The following NKAIN2 variants were observed in gnomAD, a reference collection of about 807,000 sequenced individuals.
NKAIN2 encodes sodium/potassium transporting ATPase interacting 2.
NKAIN2 carries 14 observed loss-of-function variants against 32.6 expected under a neutral mutation model. The ratio of observed to expected loss-of-function variants is 0.43; its 90% CI spans 0.28 to 0.67. The LOEUF (loss-of-function observed/expected upper bound fraction) is 0.67, where lower values mean the gene tolerates loss of function less well. Ranked by LOEUF, NKAIN2 falls within the 30% of genes least tolerant of loss-of-function variation. The pLI is 0.17. For missense variants in NKAIN2, 198 were observed against 258.3 expected (o/e 0.77, Z 1.60); for synonymous variants, 80 against 87.2 (o/e 0.92, Z 0.46).
Position 123,927,574 on chromosome 6 carries a change from C to T in NKAIN2, c.54+123320C>T, listed in dbSNP as rs74347202. Among the ~76,000 whole-genome samples the T allele has an allele frequency of 2.1e-4, 32 of 152,262 alleles. No individual in the cohort carries two copies. In the East Asian group the frequency reaches 5.8e-3, roughly 28 times the overall value. On this transcript the variant is annotated intron_variant, in intron 1 of 6. Coordinates refer to ENST00000368417, the MANE Select transcript of NKAIN2 (RefSeq NM_001040214.3). Reference sequence around the variant, plus strand: ...CTAGCTTCCATATGTTAGGATATAACTTAAGTTGTTTTAACAGACCAAAAG... The same window carrying T: ...CTAGCTTCCATATGTTAGGATATAATTTAAGTTGTTTTAACAGACCAAAAG...
chr6:124,519,959 C>T (rs983019989), intron 3 of NKAIN2, among the ~76,000 whole-genome samples: 3 of 152,052 alleles, frequency 2.0e-5, no homozygotes, highest in African/African-American at 7.2e-5. Flanking sequence ...CTATACAGCA[C>T]CTCTATTGGG....
chr6:124,642,988 A>C (rs1249596001), intron 3 of NKAIN2, among the ~76,000 whole-genome samples: 6 of 152,128 alleles, frequency 3.9e-5, no homozygotes, highest in Non-Finnish European at 8.8e-5. Context: ...AAGGTCAAGC[A>C]CTCAGAATTT....
At chr6:123,938,373 A>G (rs1776619665) in intron 1 of NKAIN2, among the ~76,000 whole-genome samples, 1 of 136,300 alleles carries the variant, frequency 7.3e-6, no homozygotes, top group African/African-American at 2.7e-5. Flanking sequence ...AATTGCCGTG[A>G]AACCAGAACT....
intron 1 of NKAIN2, among the ~76,000 whole-genome samples, chr6:124,207,606 C>T (rs79462779): frequency 0.057 from 8,687 of 151,630 alleles, 484 homozygotes; most frequent in African/African-American, 0.12. Flanking sequence ...ATGTACTAAG[C>T]TTGGCACATA....
At chr6:124,121,850 C>T (rs1785899313) in intron 1 of NKAIN2, 1 of 1,009,810 alleles carries the variant, frequency 9.9e-7, no homozygotes, top group Non-Finnish European at 1.3e-6. Flanking sequence ...CTAATCATGC[C>T]TTATTTGTCC....
Position 124,823,292 on chromosome 6 carries a change from C to T in NKAIN2, c.*63C>T. 8.8e-7 allele frequency: 1 copy of T among 1,140,860 alleles called. No homozygotes were observed. Among genetic ancestry groups the T allele is most frequent in the Non-Finnish European group, 1.3e-6 (1 of 746,896 alleles). 70.7% of individuals were successfully genotyped at this position (1,140,860 alleles called of 1,614,324 possible). A position where few individuals can be genotyped will look rare whatever the true frequency, so the allele number is the denominator to read the frequency against. On this transcript the variant is annotated 3_prime_UTR_variant, in exon 7 of 7. Coordinates refer to ENST00000368417, the MANE Select transcript of NKAIN2 (RefSeq NM_001040214.3). ...AAAGAACTTTTTTCGCAGTGGCCTC[C>T]TGCATTTCATGAAGAGCAAGAAGCA...
chr6:124,729,453 A>G (rs887041946), intron 4 of NKAIN2, among the ~76,000 whole-genome samples: 1 of 151,990 alleles, frequency 6.6e-6, no homozygotes, highest in Non-Finnish European at 1.5e-5. Flanking sequence ...GCCAAAGACA[A>G]AAACCACATG....
intron 4 of NKAIN2, among the ~76,000 whole-genome samples, chr6:124,750,128 T>G (rs1424091028): frequency 6.6e-6 from 1 of 151,900 alleles, no homozygotes; most frequent in Non-Finnish European, 1.5e-5. Flanking sequence ...TAAAACCTAC[T>G]TTGTAAGAAT....
intron 4 of NKAIN2, among the ~76,000 whole-genome samples, chr6:124,723,266 T>G (rs2114637369): frequency 6.6e-6 from 1 of 152,288 alleles, no homozygotes; most frequent in Non-Finnish European, 1.5e-5. Context: ...CAAATATAAC[T>G]AAGTCCCAAG....
At chr6:124,662,802 T>A (rs983816504) in intron 4 of NKAIN2, among the ~76,000 whole-genome samples, 1 of 152,230 alleles carries the variant, frequency 6.6e-6, no homozygotes, top group African/African-American at 2.4e-5. Context: ...TTATTGTGCA[T>A]GTTGCTGTTT....
At chr6:123,925,029 A>T (rs1274340288) in intron 1 of NKAIN2, among the ~76,000 whole-genome samples, 1 of 152,172 alleles carries the variant, frequency 6.6e-6, no homozygotes, top group Non-Finnish European at 1.5e-5. Flanking sequence ...GTGTTTATGT[A>T]CCAGAATACA....
intron 1 of NKAIN2, among the ~76,000 whole-genome samples, chr6:124,023,574 A>G (rs1780970494): frequency 6.6e-6 from 1 of 152,144 alleles, no homozygotes; most frequent in Admixed American, 6.6e-5. Context: ...GATGTTTATA[A>G]ACATCTTTGT....
At chr6:124,593,392 T>C (rs368006684) in intron 3 of NKAIN2, among the ~76,000 whole-genome samples, 1 of 152,298 alleles carries the variant, frequency 6.6e-6, no homozygotes, top group Admixed American at 6.5e-5. Context: ...ATCCTAATTC[T>C]TAGCATATTC....
chr6:124,771,111 C>T (rs2114759318), intron 4 of NKAIN2, among the ~76,000 whole-genome samples: 1 of 152,242 alleles, frequency 6.6e-6, no homozygotes, highest in Non-Finnish European at 1.5e-5. Flanking sequence ...AGCCCTTACT[C>T]CTAATCCCAA....
At chr6:124,338,334 T>G (rs1797967217) in intron 2 of NKAIN2, among the ~76,000 whole-genome samples, 1 of 152,174 alleles carries the variant, frequency 6.6e-6, no homozygotes, top group Non-Finnish European at 1.5e-5. Context: ...TTAAACTCTC[T>G]CCCAATTTTT....
At chr6:124,366,579 T>C (rs971788322) in intron 3 of NKAIN2, among the ~76,000 whole-genome samples, 2 of 152,172 alleles carry the variant, frequency 1.3e-5, no homozygotes, top group Non-Finnish European at 2.9e-5. Flanking sequence ...ATCTCATCTT[T>C]TGAGGCCAGT....
chr6:123,957,771 A>C (rs1208040188), intron 1 of NKAIN2, among the ~76,000 whole-genome samples: 1 of 152,174 alleles, frequency 6.6e-6, no homozygotes, highest in East Asian at 1.9e-4. Context: ...TGTATTACCC[A>C]AAAAATCTTT....
chr6:124,281,780 A>G (rs1335117973), intron 1 of NKAIN2, among the ~76,000 whole-genome samples: 1 of 152,208 alleles, frequency 6.6e-6, no homozygotes, highest in Non-Finnish European at 1.5e-5. Context: ...ATGATCATTC[A>G]AGATGTCTTC....
intron 3 of NKAIN2, among the ~76,000 whole-genome samples, chr6:124,543,015 A>C (rs594401): frequency 0.19 from 28,632 of 152,092 alleles, 2,965 homozygotes; most frequent in Non-Finnish European, 0.24. Context: ...ACAGCACTTG[A>C]TAAACATTAA....
Sources: allele counts gnomAD v4.1 joint callset (sites outside exome capture counted in the v4.1 genomes callset), GRCh38; gene constraint gnomAD v4.1.1; transcripts MANE v1.5; gene names NCBI Gene and HGNC (gene_info 2026-07-23, HGNC 2026-07-21).